SLC9C1: variants seen among roughly 807,000 people sequenced by gnomAD.
The protein encoded by SLC9C1 is sodium/hydrogen exchanger 10.
A neutral mutation model predicts 140.9 loss-of-function variants in SLC9C1; 97 were observed. The ratio of observed to expected loss-of-function variants is 0.69; its 90% CI spans 0.58 to 0.82. The LOEUF (loss-of-function observed/expected upper bound fraction) is 0.82. Ranked by LOEUF, SLC9C1 falls within the 40% of genes least tolerant of loss-of-function variation. SLC9C1 has a pLI of 0.00. For synonymous variants in SLC9C1, 440 were observed against 442.6 expected (o/e 0.99, Z 0.07); for missense variants, 1,340 against 1,389.3 (o/e 0.96, Z 0.56).
At chr3:112,179,356 G>T (rs1294556746) in intron 23 of SLC9C1, among the ~76,000 whole-genome samples, 175 bp downstream of exon 23, 1 of 151,538 alleles carries the variant, frequency 6.6e-6, no homozygotes, top group East Asian at 1.9e-4. Context: ...AAGCTATTTT[G>T]CCAGGGCTTT....
chr3:112,287,528 T>A lies in SLC9C1; in HGVS notation c.-87-650A>T, dbSNP rs995054794. On this transcript the variant is annotated intron_variant, in intron 1 of 28. Coordinates refer to ENST00000305815, the MANE Select transcript of SLC9C1 (RefSeq NM_183061.3). ...CAGGGAAATTGTTACATGTTCTATT[T>A]CTTTGTTACTTCTTGGAAGAGGAAC... 2.0e-5 allele frequency among the ~76,000 whole-genome samples: 3 copies of A among 152,324 alleles called. No homozygotes were observed. In the East Asian group the frequency reaches 5.8e-4, roughly 29 times the overall value.
intron 20 of SLC9C1, among the ~76,000 whole-genome samples, chr3:112,197,640 T>G (rs926565380): frequency 6.6e-5 from 10 of 152,158 alleles, no homozygotes; most frequent in African/African-American, 2.2e-4. Context: ...TCCAAAATAG[T>G]TACATCAGAC....
chr3:112,164,808 G>A (rs548928696), intron 26 of SLC9C1, among the ~76,000 whole-genome samples: 92 of 151,866 alleles, frequency 6.1e-4, no homozygotes, highest in Non-Finnish European at 9.9e-4. Flanking sequence ...TCGTGAATTT[G>A]AATGTTGGCT....
At chr3:112,251,660 C>T (rs543833914) in intron 10 of SLC9C1, among the ~76,000 whole-genome samples, 1 of 152,280 alleles carries the variant, frequency 6.6e-6, no homozygotes, top group Admixed American at 6.5e-5. Flanking sequence ...AGCAGCATTA[C>T]ACCTCCCTGA....
chr3:112,218,551 A>C (rs368095045), intron 14 of SLC9C1, among the ~76,000 whole-genome samples: 2 of 152,372 alleles, frequency 1.3e-5, no homozygotes, highest in South Asian at 4.1e-4. Context: ...AATGTTGAAT[A>C]TGTATATGAC....
chr3:112,270,128 T>C, intron 6 of SLC9C1, 51 bp from the exon 7 acceptor site: 1 of 1,416,230 alleles, frequency 7.1e-7, no homozygotes, highest in Non-Finnish European at 9.3e-7. Context: ...TTGCCGTTAA[T>C]TTTAATTGAT....
intron 26 of SLC9C1, among the ~76,000 whole-genome samples, chr3:112,161,101 A>G (rs2075284554): frequency 1.3e-5 from 2 of 152,058 alleles, no homozygotes; most frequent in Non-Finnish European, 2.9e-5. Flanking sequence ...TCCTTCACCC[A>G]CTTTTTGATG....
intron 26 of SLC9C1, among the ~76,000 whole-genome samples, chr3:112,162,719 G>A (rs1158736299): frequency 6.6e-6 from 1 of 150,918 alleles, no homozygotes; most frequent in African/African-American, 2.4e-5. Flanking sequence ...CAAGGATATT[G>A]GTCTAAAATT....
At chr3:112,161,588 T>C (rs1240521051) in intron 26 of SLC9C1, among the ~76,000 whole-genome samples, 1 of 152,094 alleles carries the variant, frequency 6.6e-6, no homozygotes, top group African/African-American at 2.4e-5. Flanking sequence ...TGTAGATATG[T>C]GGCGTTATTT....
chr3:112,292,406 C>T (rs1172670970), intron 1 of SLC9C1, among the ~76,000 whole-genome samples: 3 of 152,302 alleles, frequency 2.0e-5, no homozygotes, highest in South Asian at 2.1e-4. Context: ...GCTTCCCCAA[C>T]CTCTACTCCA....
At chr3:112,146,254 CA>C (rs1235420653) in intron 28 of SLC9C1, among the ~76,000 whole-genome samples, 1 of 151,598 alleles carries the variant, frequency 6.6e-6, no homozygotes, top group Non-Finnish European at 1.5e-5. Flanking sequence ...TTTATCCTTT[CA>C]AAAAACCAAC....
chr3:112,177,681 C>T (rs1248619170), intron 23 of SLC9C1, among the ~76,000 whole-genome samples: 1 of 145,836 alleles, frequency 6.9e-6, no homozygotes, highest in Admixed American at 6.9e-5. Flanking sequence ...TGCACATGTA[C>T]CCCTGTACCT....
intron 9 of SLC9C1, among the ~76,000 whole-genome samples, chr3:112,263,840 A>G (rs1054331277): frequency 2.0e-5 from 3 of 151,886 alleles, no homozygotes; most frequent in Non-Finnish European, 4.4e-5. Context: ...GATATTTAAA[A>G]AGCAATTTCT....
intron 26 of SLC9C1, among the ~76,000 whole-genome samples, chr3:112,163,767 T>C (rs1284940061): frequency 1.3e-5 from 2 of 152,050 alleles, no homozygotes; most frequent in Non-Finnish European, 2.9e-5. Context: ...GGGTGGAGAG[T>C]TCTGTAGATG....
intron 16 of SLC9C1, among the ~76,000 whole-genome samples, chr3:112,207,223 G>A (rs1033955751): frequency 6.6e-6 from 1 of 152,190 alleles, no homozygotes; most frequent in Admixed American, 6.5e-5. Flanking sequence ...TTTCAAAGAT[G>A]ATTGTAGATT....
intron 25 of SLC9C1, among the ~76,000 whole-genome samples, 153 bp from the exon 26 acceptor site, chr3:112,167,500 AC>A (rs1290918038): frequency 8.5e-5 from 13 of 152,088 alleles, no homozygotes; most frequent in African/African-American, 3.1e-4. Flanking sequence ...ATCTTAAAAT[AC>A]TTGGATATAT....
chr3:112,255,610 A>C (rs934167974), intron 10 of SLC9C1, among the ~76,000 whole-genome samples: 11 of 152,138 alleles, frequency 7.2e-5, no homozygotes, highest in African/African-American at 2.7e-4. Flanking sequence ...TTATATCATG[A>C]AACGCCCAAA....
chr3:112,280,307 T>C (rs1304575177), intron 3 of SLC9C1, among the ~76,000 whole-genome samples: 2 of 152,228 alleles, frequency 1.3e-5, no homozygotes, highest in Non-Finnish European at 2.9e-5. Context: ...TTCAATATTA[T>C]AATATTTTTG....
chr3:112,235,821 A>G (rs961282676), intron 12 of SLC9C1, among the ~76,000 whole-genome samples: 1 of 152,176 alleles, frequency 6.6e-6, no homozygotes, highest in African/African-American at 2.4e-5. Context: ...GATGAAGCCC[A>G]CTTGATCATG....
Sources: gnomAD v4.1 joint callset for allele counts (sites outside exome capture counted in the v4.1 genomes callset) on GRCh38, gnomAD v4.1.1 for gene constraint, MANE v1.5 for transcripts, NCBI Gene and HGNC (gene_info 2026-07-23, HGNC 2026-07-21) for gene names.